TCF7L1: variants seen among roughly 807,000 people sequenced by gnomAD.
TCF7L1 encodes transcription factor 7 like 1.
TCF7L1 carries 18 observed loss-of-function variants against 63.7 expected under a neutral mutation model. That is an observed-to-expected ratio of 0.28 (90% CI 0.20 to 0.42). The LOEUF is 0.42. Ranked by LOEUF, TCF7L1 falls within the 10% of genes least tolerant of loss-of-function variation. The pLI, the probability that TCF7L1 is intolerant of heterozygous loss-of-function variation, is 1.00. For missense variants in TCF7L1, 654 were observed against 779.3 expected, an observed-to-expected ratio of 0.84 and a Z score of 1.91; for synonymous variants, 355 against 340.9, an observed-to-expected ratio of 1.04 and a Z score of -0.46.
chr2:85,297,378 A>G (rs1028465878), intron 4 of TCF7L1, among the ~76,000 whole-genome samples: 1 of 152,172 alleles, frequency 6.6e-6, no homozygotes, highest in African/African-American at 2.4e-5. Flanking sequence ...ACCCATCCGT[A>G]CAGACCCTCA....
At chr2:85,189,430 C>G (rs1007372271) in intron 3 of TCF7L1, among the ~76,000 whole-genome samples, 2 of 152,240 alleles carry the variant, frequency 1.3e-5, no homozygotes, top group Non-Finnish European at 2.9e-5. Context: ...GCCTTTGGCT[C>G]AGATCCCCAT....
chr2:85,213,271 C>G (rs1470259438), intron 3 of TCF7L1, among the ~76,000 whole-genome samples: 1 of 152,118 alleles, frequency 6.6e-6, no homozygotes, highest in African/African-American at 2.4e-5. Flanking sequence ...TAGCCTGTGT[C>G]TACACTGATT....
Position 85,306,631 on chromosome 2 carries a change from G to T in TCF7L1, c.1257+72G>T. ...CTCTGCAAGAGGAGGAAGGGTGAAGGAAAGCAACTGCATTTATTTTTATTT... is the reference window on the plus strand; with the variant it reads ...CTCTGCAAGAGGAGGAAGGGTGAAGTAAAGCAACTGCATTTATTTTTATTT... On this transcript the variant is annotated intron_variant, in intron 10 of 11. Transcript: ENST00000282111. This position sits in a 1 kb window ranked among gnomAD's most constrained non-coding sequence, Gnocchi z 4.3. 1 of 1,129,100 alleles carries T rather than the reference G, an allele frequency of 8.9e-7. No individual in the cohort carries two copies. Among genetic ancestry groups the T allele is most frequent in the Admixed American group, 2.3e-5 (1 of 43,770 alleles). The allele number at this position is 1,129,100 out of a possible 1,614,324, so 69.9% of individuals were successfully genotyped here. A position where few individuals can be genotyped will look rare whatever the true frequency, so the allele number is the denominator to read the frequency against.
intron 3 of TCF7L1, among the ~76,000 whole-genome samples, chr2:85,245,569 T>A (rs1680442582): frequency 6.6e-6 from 1 of 151,838 alleles, no homozygotes; most frequent in Admixed American, 6.6e-5. Flanking sequence ...TCCCAGCACT[T>A]TGGGAGGCCG....
Position 85,133,633 on chromosome 2 carries a change from G to T in TCF7L1, c.-52G>T. 2 of 748,122 alleles carry T rather than the reference G, an allele frequency of 2.7e-6. No homozygotes were observed. The highest frequency in any genetic ancestry group is 3.3e-6 in the Non-Finnish European group (2 of 615,228). 46.3% of individuals were successfully genotyped at this position (748,122 alleles called of 1,614,324 possible). The stretch of plus-strand genomic sequence containing the variant: ...GGGGCGCCGGGCCGGGCCGGGCAGG[G>T]CGCGGGCGGCTAGGGGCTCCGAGAG... On this transcript the variant is annotated 5_prime_UTR_variant, in exon 1 of 12. Transcript: ENST00000282111. This position sits in a 1 kb window ranked among gnomAD's most constrained non-coding sequence, Gnocchi z 4.4.
At chr2:85,188,200 G>A (rs1393738637) in intron 3 of TCF7L1, among the ~76,000 whole-genome samples, 1 of 152,148 alleles carries the variant, frequency 6.6e-6, no homozygotes, top group African/African-American at 2.4e-5. Flanking sequence ...GTACAGTTTA[G>A]TATTTTGATT....
At chr2:85,174,759 G>A (rs1678636477) in intron 3 of TCF7L1, among the ~76,000 whole-genome samples, 2 of 152,150 alleles carry the variant, frequency 1.3e-5, no homozygotes, top group Admixed American at 6.5e-5. Context: ...CTGCCCAACT[G>A]GTTTCTTCGC....
chr2:85,161,837 C>T (rs191049196), intron 3 of TCF7L1, among the ~76,000 whole-genome samples: 24 of 152,068 alleles, frequency 1.6e-4, no homozygotes, highest in Non-Finnish European at 5.9e-5. Flanking sequence ...CAGGGCTGGG[C>T]GTGGCTGGGT....
chr2:85,226,039 T>A (rs1339576242), intron 3 of TCF7L1, among the ~76,000 whole-genome samples: 1 of 152,216 alleles, frequency 6.6e-6, no homozygotes, highest in African/African-American at 2.4e-5. Context: ...GATAATCACG[T>A]GGTTTTTGTC....
chr2:85,205,740 C>T (rs185907203), intron 3 of TCF7L1, among the ~76,000 whole-genome samples: 3 of 152,246 alleles, frequency 2.0e-5, no homozygotes, highest in East Asian at 1.9e-4. Context: ...AGGCTGGTTT[C>T]GAACTCCTGA....
intron 3 of TCF7L1, among the ~76,000 whole-genome samples, chr2:85,274,293 G>A (rs1240143051): frequency 2.0e-5 from 3 of 152,202 alleles, no homozygotes; most frequent in South Asian, 2.1e-4. Context: ...ATGCGGACTC[G>A]AAAGCAAGTT....
intron 4 of TCF7L1, among the ~76,000 whole-genome samples, chr2:85,299,376 C>G (rs1174653926): frequency 6.6e-6 from 1 of 151,236 alleles, no homozygotes; most frequent in Non-Finnish European, 1.5e-5. Context: ...ATGGTGAAAC[C>G]CCATCTCTAC....
intron 4 of TCF7L1, among the ~76,000 whole-genome samples, chr2:85,298,878 G>T (rs1158696557): frequency 2.6e-5 from 4 of 152,016 alleles, no homozygotes; most frequent in Admixed American, 6.5e-5. Flanking sequence ...ACAGAAGCCT[G>T]CAAGGAGAAC....
intron 3 of TCF7L1, among the ~76,000 whole-genome samples, chr2:85,194,485 C>G (rs1679107411): frequency 6.6e-6 from 1 of 152,024 alleles, no homozygotes; most frequent in African/African-American, 2.4e-5. Flanking sequence ...ACCAAGTCTG[C>G]CAGGAGAAAT....
intron 3 of TCF7L1, among the ~76,000 whole-genome samples, chr2:85,276,541 C>A (rs1681274698): frequency 6.6e-6 from 1 of 152,308 alleles, no homozygotes; most frequent in Middle Eastern, 3.4e-3. Flanking sequence ...ATCCGTGTCT[C>A]CCCGTCTCCA....
intron 3 of TCF7L1, among the ~76,000 whole-genome samples, chr2:85,229,824 A>G (rs1347044841): frequency 6.6e-6 from 1 of 152,204 alleles, no homozygotes; most frequent in Non-Finnish European, 1.5e-5. Flanking sequence ...CCTGGCCAAC[A>G]TGGGAAAACC....
intron 4 of TCF7L1, among the ~76,000 whole-genome samples, chr2:85,300,951 T>C (rs924269191): frequency 1.3e-5 from 2 of 152,098 alleles, no homozygotes; most frequent in Non-Finnish European, 1.5e-5. Flanking sequence ...GGCTAATTTT[T>C]GTATTTTTAG....
chr2:85,273,899 A>G (rs976771412), intron 3 of TCF7L1, among the ~76,000 whole-genome samples: 5 of 152,276 alleles, frequency 3.3e-5, no homozygotes, highest in Non-Finnish European at 7.4e-5. Context: ...AACAGGCTGC[A>G]GGCTGTGAAG....
chr2:85,229,020 CAAAAAAAA>C (rs1182542916), intron 3 of TCF7L1, among the ~76,000 whole-genome samples: 1 of 57,374 alleles, frequency 1.7e-5, no homozygotes, highest in Non-Finnish European at 3.8e-5. Flanking sequence ...GACTCTGTCT[CAAAAAAAA>C]AAAAAAAAAA....
Sources: gnomAD v4.1 joint callset for allele counts (sites outside exome capture counted in the v4.1 genomes callset) on GRCh38, gnomAD v4.1.1 for gene constraint, Gnocchi (gnomAD v3.1) non-coding constraint, MANE v1.5 for transcripts, NCBI Gene and HGNC (gene_info 2026-07-23, HGNC 2026-07-21) for gene names.